The following NRXN3 variants were observed in gnomAD, a reference collection of about 807,000 sequenced individuals.
NRXN3 encodes the protein neurexin III.
A neutral mutation model predicts 137.6 loss-of-function variants in NRXN3; 32 were observed. That is an observed-to-expected ratio of 0.23 (90% CI 0.18 to 0.31). The LOEUF (loss-of-function observed/expected upper bound fraction) is 0.31, where lower values mean the gene tolerates loss of function less well. Among genes scored for constraint, NRXN3 ranks in the 10% least tolerant of loss-of-function variants. NRXN3 has a pLI of 1.00. For missense variants in NRXN3, 1,574 were observed against 2,062.5 expected (o/e 0.76, Z 4.59); for synonymous variants, 798 against 784.5 (o/e 1.02, Z -0.29).
chr14:79,400,144 A>C (rs975086071), intron 15 of NRXN3, among the ~76,000 whole-genome samples: 2 of 152,204 alleles, frequency 1.3e-5, no homozygotes, highest in African/African-American at 4.8e-5. Flanking sequence ...TGCAAGTAAT[A>C]TCACATTCTG....
chr14:79,260,920 A>G (rs1161723514), intron 15 of NRXN3, among the ~76,000 whole-genome samples: 2 of 152,184 alleles, frequency 1.3e-5, no homozygotes, highest in African/African-American at 4.8e-5. Flanking sequence ...TACCAATGAC[A>G]TATTTTTCAC....
intron 19 of NRXN3, among the ~76,000 whole-genome samples, chr14:79,790,862 A>AC (rs2099143059): frequency 6.6e-6 from 1 of 150,600 alleles, no homozygotes; most frequent in South Asian, 2.1e-4. Flanking sequence ...CTCATGATCC[A>AC]CCCGCCTTGG....
intron 15 of NRXN3, among the ~76,000 whole-genome samples, chr14:79,197,395 A>C (rs2065274239): frequency 6.6e-6 from 1 of 152,192 alleles, no homozygotes; most frequent in African/African-American, 2.4e-5. Context: ...AGGAGTAGAG[A>C]TAATAAGAGT....
At chr14:79,820,701 C>T (rs2141027351) in intron 20 of NRXN3, among the ~76,000 whole-genome samples, 1 of 152,070 alleles carries the variant, frequency 6.6e-6, no homozygotes, top group South Asian at 2.1e-4. Context: ...TCTGTCGTTT[C>T]CTTGTGTTCC....
chr14:78,879,875 A>G (rs908584637), intron 10 of NRXN3, among the ~76,000 whole-genome samples: 1 of 152,118 alleles, frequency 6.6e-6, no homozygotes, highest in African/African-American at 2.4e-5. Flanking sequence ...CTGCCCCCCA[A>G]ATTGATTTGC....
At chr14:79,638,852 A>G (rs1249439028) in intron 16 of NRXN3, among the ~76,000 whole-genome samples, 1 of 152,222 alleles carries the variant, frequency 6.6e-6, no homozygotes, top group Non-Finnish European at 1.5e-5. Context: ...CATCATGGCA[A>G]AAAATAGCAC....
At chr14:79,783,691 T>C (rs1489483563) in intron 19 of NRXN3, among the ~76,000 whole-genome samples, 1 of 152,200 alleles carries the variant, frequency 6.6e-6, no homozygotes, top group Non-Finnish European at 1.5e-5. Context: ...ACTGCATATG[T>C]TTTATTATGT....
At chr14:78,937,193 A>C (rs2099343663) in intron 10 of NRXN3, among the ~76,000 whole-genome samples, 1 of 151,754 alleles carries the variant, frequency 6.6e-6, no homozygotes, top group African/African-American at 2.4e-5. Context: ...TTGAAAAAAA[A>C]AAAAAAAAAG....
At chr14:78,519,896 A>G (rs1024790812) in intron 4 of NRXN3, among the ~76,000 whole-genome samples, 1 of 152,140 alleles carries the variant, frequency 6.6e-6, no homozygotes, top group African/African-American at 2.4e-5. Flanking sequence ...TTTTGGAAAG[A>G]CTCTGTAAAA....
At chr14:78,480,946 C>G (rs2095462472) in intron 4 of NRXN3, among the ~76,000 whole-genome samples, 1 of 152,046 alleles carries the variant, frequency 6.6e-6, no homozygotes, top group African/African-American at 2.4e-5. Flanking sequence ...TCCATCTTTC[C>G]TCTACGTTGT....
chr14:78,524,150 C>A (rs960985359), intron 4 of NRXN3, among the ~76,000 whole-genome samples: 1 of 152,008 alleles, frequency 6.6e-6, no homozygotes, highest in Non-Finnish European at 1.5e-5. Context: ...GGGGTGGTCA[C>A]GATTATGGAT....
intron 20 of NRXN3, among the ~76,000 whole-genome samples, chr14:79,841,210 A>G (rs765836589): frequency 4.6e-5 from 7 of 152,200 alleles, no homozygotes; most frequent in Non-Finnish European, 8.8e-5. Context: ...TCCATTAAGT[A>G]TGAAAACACC....
At chr14:79,122,108 G>A (rs2055548581) in intron 15 of NRXN3, among the ~76,000 whole-genome samples, 1 of 152,182 alleles carries the variant, frequency 6.6e-6, no homozygotes, top group African/African-American at 2.4e-5. Flanking sequence ...CTGTGTACTG[G>A]TGAAGAAGTT....
intron 16 of NRXN3, among the ~76,000 whole-genome samples, chr14:79,515,710 T>A (rs966106057): frequency 5.3e-5 from 8 of 152,328 alleles, no homozygotes; most frequent in Admixed American, 4.6e-4. Context: ...ACCTCCATAA[T>A]TCTGTAGTGT....
At chr14:78,465,431 A>C (rs2095069207) in intron 4 of NRXN3, among the ~76,000 whole-genome samples, 1 of 152,244 alleles carries the variant, frequency 6.6e-6, no homozygotes, top group African/African-American at 2.4e-5. Flanking sequence ...ATATGAAACT[A>C]GATCTATAAT....
At chr14:78,614,217 C>G (rs757326107) in intron 4 of NRXN3, among the ~76,000 whole-genome samples, 12 of 152,164 alleles carry the variant, frequency 7.9e-5, no homozygotes, top group Non-Finnish European at 1.5e-4. Context: ...GGGTGTCAAA[C>G]AGTTCAGCAT....
rs557604378 is a variant in NRXN3 at position 79,747,478 on chromosome 14, C to T, written c.4014+49541C>T. ...AACCCTGAACTCAGGAAATATGGCC[C>T]ATTTCCTGCACTATGTTTCCCAATT... On this transcript the variant is annotated intron_variant, in intron 19 of 20. Coordinates refer to ENST00000335750, the MANE Select transcript of NRXN3 (RefSeq NM_001330195.2). 6.6e-5 allele frequency among the ~76,000 whole-genome samples: 10 copies of T among 152,164 alleles called. No individual in the cohort carries two copies. The East Asian group carries it at 1.9e-3, about 29-fold the overall frequency.
chr14:79,480,321 T>G (rs1441237938), intron 16 of NRXN3, among the ~76,000 whole-genome samples: 1 of 152,180 alleles, frequency 6.6e-6, no homozygotes, highest in Non-Finnish European at 1.5e-5. Context: ...GGAGCTGGTT[T>G]TTTTGCATGG....
At chr14:79,812,878 G>C (rs1199553660) in intron 20 of NRXN3, among the ~76,000 whole-genome samples, 1 of 152,130 alleles carries the variant, frequency 6.6e-6, no homozygotes, top group Non-Finnish European at 1.5e-5. Context: ...ACATCATTAA[G>C]CAAGTCCCCC....
Sources: gnomAD v4.1 joint callset for allele counts (sites outside exome capture counted in the v4.1 genomes callset) on GRCh38, gnomAD v4.1.1 for gene constraint, MANE v1.5 for transcripts, NCBI Gene and HGNC (gene_info 2026-07-23, HGNC 2026-07-21) for gene names.